Variants in FBN2 observed in about 807,000 individuals in gnomAD.
The protein encoded by FBN2 is fibrillin-2.
FBN2 carries 105 observed loss-of-function variants against 355.6 expected under a neutral mutation model. The observed-to-expected ratio is 0.30, with a 90% CI of 0.25 to 0.35. The LOEUF is 0.35. Ranked by LOEUF, FBN2 falls within the 10% of genes least tolerant of loss-of-function variation. The pLI, the probability that FBN2 is intolerant of heterozygous loss-of-function variation, is 1.00. For missense variants in FBN2, 3,280 were observed against 3,758.7 expected (o/e 0.87, Z 3.33); for synonymous variants, 1,350 against 1,301.2 (o/e 1.04, Z -0.81).
At chr5:128,500,361 C>T (rs1481299880) in intron 5 of FBN2, among the ~76,000 whole-genome samples, 1 of 143,898 alleles carries the variant, frequency 6.9e-6, no homozygotes, top group Non-Finnish European at 1.5e-5. Flanking sequence ...AGGAATGAAA[C>T]GGAAGAGTGT....
intron 37 of FBN2, 123 bp downstream of exon 37, chr5:128,312,511 T>C: frequency 9.9e-7 from 1 of 1,008,442 alleles, no homozygotes; most frequent in Non-Finnish European, 1.5e-6. Context: ...CTGAAAGTAG[T>C]TCAAATTCAG....
chr5:128,342,917 G>A (rs1561780474), intron 25 of FBN2, among the ~76,000 whole-genome samples: 2 of 151,966 alleles, frequency 1.3e-5, no homozygotes, highest in South Asian at 2.1e-4. Flanking sequence ...TAGTAGAGAC[G>A]GGGTTTCTCC....
In FBN2 at chr5:128,301,496, T is replaced by C; in HGVS notation, c.5932A>G (p.Ser1978Gly). ...CTGCACACCTGACCAAAAAAGGAAC[T>C]GCACTCATCTATGTCTGTAAGCAAA... ...NNDCLDIDECSSFFGQVCRNG... is the reference protein window; with the variant it reads ...NNDCLDIDECGSFFGQVCRNG... Residue 1978 changes from serine (S) to glycine (G), a missense_variant, in exon 47 of 65, where the codon AGT becomes GGT. Physicochemically the swap from Ser to Gly is moderately conservative, Grantham distance 56 (BLOSUM62 0). Around this residue, in one of 6 missense-constraint regions of FBN2, gnomAD observed 2,284 missense variants for 2,749.5 expected, o/e 0.83. Transcript: ENST00000262464. 1 of 1,613,454 alleles carries C rather than the reference T, an allele frequency of 6.2e-7. No individual in the cohort carries two copies. The highest frequency in any genetic ancestry group is 8.5e-7 in the Non-Finnish European group (1 of 1,179,774).
At chr5:128,451,462 C>T (rs551721295) in intron 6 of FBN2, among the ~76,000 whole-genome samples, 14 of 152,084 alleles carry the variant, frequency 9.2e-5, no homozygotes, top group African/African-American at 2.9e-4. Flanking sequence ...TGCAATGGTG[C>T]GATCTCGGCT....
At chr5:128,260,646 A>C (rs1231486339) in intron 64 of FBN2, among the ~76,000 whole-genome samples, 1 of 152,216 alleles carries the variant, frequency 6.6e-6, no homozygotes, top group Non-Finnish European at 1.5e-5. Context: ...GAACTTGATG[A>C]ATATCTCAAC....
chr5:128,533,681 T>C (rs1756767910), intron 2 of FBN2, among the ~76,000 whole-genome samples: 1 of 152,170 alleles, frequency 6.6e-6, no homozygotes, highest in African/African-American at 2.4e-5. Context: ...TTTCATTTGG[T>C]AGCATAACAT....
At position 128,374,733 on chromosome 5, in the gene FBN2, T is replaced by C. The variant is rs746408145; in HGVS notation, c.1990A>G (p.Thr664Ala). 7 of 1,613,918 alleles carry C rather than the reference T, an allele frequency of 4.3e-6. No individual in the cohort carries two copies. The South Asian group carries it at 6.6e-5, about 15-fold the overall frequency. ...TGCCCATTCATGCAGATTCCTGGGG[T>C]CTGGCATTCATCAACATCTGTGCAG... ...RYCTDVDECQ[T>A]PGICMNGHCI... Residue 664 changes from threonine to alanine, a missense_variant, in exon 15 of 65, where the codon ACC (threonine) becomes GCC (alanine). By Grantham distance (58) the Thr-to-Ala change is moderately conservative. This residue lies in a region of FBN2 where 2,284 missense variants were observed against 2,749.5 expected (regional missense o/e 0.83). Coordinates refer to ENST00000262464, the MANE Select transcript of FBN2 (RefSeq NM_001999.4).
At chr5:128,367,165 T>C (rs1258586076) in intron 16 of FBN2, among the ~76,000 whole-genome samples, 1 of 152,202 alleles carries the variant, frequency 6.6e-6, no homozygotes, top group East Asian at 1.9e-4. Flanking sequence ...CTCTTACAAG[T>C]AAAACTCTCA....
At position 128,438,282 on chromosome 5, in the gene FBN2, C is replaced by T. The variant is rs549189870; in HGVS notation, c.952+8199G>A. 1.0e-3 allele frequency among the ~76,000 whole-genome samples: 159 copies of T among 152,342 alleles called. 1 individual carries two copies. The highest frequency in any genetic ancestry group is 1.9e-3 in the Non-Finnish European group (131 of 68,036). ...TGCTGGGATTACATGTGTGTGCCGC[C>T]GTGCCCGGCTACATTCACCCATTTA... On this transcript the variant is annotated intron_variant, in intron 7 of 64. Coordinates refer to ENST00000262464, the MANE Select transcript of FBN2 (RefSeq NM_001999.4).
intron 17 of FBN2, among the ~76,000 whole-genome samples, chr5:128,365,726 A>T (rs571356288): frequency 6.6e-6 from 1 of 150,522 alleles, no homozygotes; most frequent in African/African-American, 2.4e-5. Context: ...GTGAAGATTA[A>T]TAACACCCAA....
intron 34 of FBN2, among the ~76,000 whole-genome samples, chr5:128,323,780 C>T (rs569311983): frequency 2.0e-5 from 3 of 152,190 alleles, no homozygotes; most frequent in East Asian, 1.9e-4. Context: ...TTCCAAGTTT[C>T]GGTATCAGGA....
In FBN2 at chr5:128,457,376, A is replaced by T. The variant is rs541310305; in HGVS notation, c.826+7348T>A. Reference sequence around the variant, plus strand: ...AGAATGGAAACAAGCTGGAAAACATATTTCTGGATATTATCCAGAAGAACT... The same window carrying T: ...AGAATGGAAACAAGCTGGAAAACATTTTTCTGGATATTATCCAGAAGAACT... On this transcript the variant is annotated intron_variant, in intron 6 of 64. Transcript: ENST00000262464. Among the ~76,000 whole-genome samples the T allele has an allele frequency of 1.3e-4, 20 of 152,320 alleles. No individual in the cohort carries two copies. In the East Asian group the frequency reaches 3.9e-3, roughly 29 times the overall value.
intron 61 of FBN2, among the ~76,000 whole-genome samples, chr5:128,272,632 T>TC (rs1200953778): frequency 1.3e-5 from 2 of 151,898 alleles, no homozygotes; most frequent in African/African-American, 4.8e-5. Flanking sequence ...CAAGATTAAT[T>TC]AGATGCAAAT....
intron 34 of FBN2, among the ~76,000 whole-genome samples, chr5:128,321,127 C>G (rs1750359867): frequency 6.6e-6 from 1 of 152,044 alleles, no homozygotes; most frequent in Admixed American, 6.6e-5. Flanking sequence ...AAGGGTGGGA[C>G]TTTTATGAAA....
At position 128,537,631 on chromosome 5, in the gene FBN2, G is replaced by T; in HGVS notation, c.-28C>A. ...CCGGCGCCGAAAGCGCGCGGCCGTA[G>T]ACCCGCGGAGAGGGAGTGATCAAAG... On this transcript the variant is annotated 5_prime_UTR_variant, in exon 1 of 65. Coordinates refer to ENST00000262464, the MANE Select transcript of FBN2 (RefSeq NM_001999.4). 3 of 1,599,740 alleles carry T rather than the reference G, an allele frequency of 1.9e-6. No homozygotes were observed. Among genetic ancestry groups the T allele is most frequent in the South Asian group, 1.1e-5 (1 of 89,972 alleles).
intron 48 of FBN2, 54 bp downstream of exon 48, chr5:128,300,763 C>G: frequency 6.3e-7 from 1 of 1,593,244 alleles, no homozygotes; most frequent in Non-Finnish European, 8.6e-7. Flanking sequence ...GAGTCTTTAC[C>G]ATGTCTTACT....
At chr5:128,443,647 T>A (rs886350035) in intron 7 of FBN2, among the ~76,000 whole-genome samples, 7 of 152,214 alleles carry the variant, frequency 4.6e-5, no homozygotes, top group African/African-American at 1.7e-4. Context: ...ATACTGAACT[T>A]ACTTTTCTTA....
rs750333540 is a variant in FBN2, at chr5:128,259,602, C to T, written c.8592G>A (p.Met2864Ile). 2 of 1,614,078 alleles carry T rather than the reference C, an allele frequency of 1.2e-6. No individual in the cohort carries two copies. The highest frequency in any genetic ancestry group is 2.2e-5 in the East Asian group (1 of 44,852). ...TGATTTCCAGTGTGTATGTGCCGGGCATGAGCTTCTTCTTGGCCGTGTGCA... is the reference window on the plus strand; with the variant it reads ...TGATTTCCAGTGTGTATGTGCCGGGTATGAGCTTCTTCTTGGCCGTGTGCA... The part of the protein sequence containing the change: ...SYLHTAKKKL[M>I]PGTYTLEITS... Residue 2864 changes from methionine to isoleucine, a missense_variant, in exon 65 of 65, where the codon ATG becomes ATA. By Grantham distance (10) the Met-to-Ile change is conservative. This residue lies in a region of FBN2 where 311 missense variants were observed against 319.1 expected (regional missense o/e 0.97). Transcript: ENST00000262464.
intron 42 of FBN2, 37 bp downstream of exon 42, chr5:128,307,098 A>G (rs1327025078): frequency 1.6e-6 from 2 of 1,253,570 alleles, no homozygotes; most frequent in East Asian, 4.6e-5. Flanking sequence ...AATGCTACAC[A>G]TATGTATTAA....
Sources: allele counts gnomAD v4.1 joint callset (sites outside exome capture counted in the v4.1 genomes callset), GRCh38; gene constraint gnomAD v4.1.1; regional missense constraint gnomAD v4.1.1; transcripts MANE v1.5; gene names NCBI Gene and HGNC (gene_info 2026-07-23, HGNC 2026-07-21).